Variants in FAM149A observed in about 807,000 individuals in gnomAD.
FAM149A encodes family with sequence similarity 149 member A, also known as protein FAM149A.
A neutral mutation model predicts 78.2 loss-of-function variants in FAM149A; 71 were observed. The observed-to-expected ratio is 0.91, with a 90% confidence interval of 0.75 to 1.11. The LOEUF is 1.11. FAM149A is among the 50% of genes least tolerant of loss of function. FAM149A has a pLI of 0.00. For missense variants in FAM149A, 1,036 were observed against 971.0 expected, an observed-to-expected ratio of 1.07 and a Z score of -0.89; for synonymous variants, 446 against 410.5, an observed-to-expected ratio of 1.09 and a Z score of -1.04.
chr4:186,160,506 C>G (rs1734497665), intron 8 of FAM149A, among the ~76,000 whole-genome samples: 1 of 145,966 alleles, frequency 6.9e-6, no homozygotes, highest in African/African-American at 2.5e-5. Context: ...AAACACATAC[C>G]AAATACACAC....
intron 1 of FAM149A, among the ~76,000 whole-genome samples, chr4:186,148,565 T>G (rs1378588819): frequency 6.6e-6 from 1 of 152,208 alleles, no homozygotes; most frequent in Non-Finnish European, 1.5e-5. Flanking sequence ...CTACACCAGT[T>G]AGGCTTAATA....
chr4:186,122,053 C>A (rs2099316304), intron 1 of FAM149A, among the ~76,000 whole-genome samples: 1 of 152,172 alleles, frequency 6.6e-6, no homozygotes, highest in Admixed American at 6.5e-5. Context: ...GTCTTCCTTT[C>A]ACTAGTTTCT....
At position 186,136,314 on chromosome 4, in the gene FAM149A, TA is replaced by T. The variant is rs753854626; in HGVS notation, c.567-12858del. 5.3e-5 allele frequency among the ~76,000 whole-genome samples: 8 copies of T among 152,326 alleles called. No homozygotes were observed. In the South Asian group the frequency reaches 1.2e-3, roughly 24 times the overall value. Reference sequence around the variant, plus strand: ...TATTCTTTTTTCACTTTATACTAAGTATAGTAAACAAATGTGTAAAAGTAAA... The same window carrying T: ...TATTCTTTTTTCACTTTATACTAAGTTAGTAAACAAATGTGTAAAAGTAAA... On this transcript the variant is annotated intron_variant, in intron 1 of 13. Coordinates refer to ENST00000389354, the MANE Select transcript of FAM149A (RefSeq NM_001367768.3).
chr4:186,110,724 T>G (rs1362340645), intron 1 of FAM149A, among the ~76,000 whole-genome samples: 1 of 140,966 alleles, frequency 7.1e-6, no homozygotes, highest in Admixed American at 7.2e-5. Flanking sequence ...GGACATGAAC[T>G]CATCATTTTT....
chr4:186,170,350 C>T (rs960092344), intron 13 of FAM149A, among the ~76,000 whole-genome samples: 1 of 152,226 alleles, frequency 6.6e-6, no homozygotes, highest in African/African-American at 2.4e-5. Flanking sequence ...CACTTAAGGA[C>T]TCCTGAAATA....
chr4:186,163,717 C>A, intron 10 of FAM149A, 84 bp downstream of exon 10: 1 of 960,672 alleles, frequency 1.0e-6, no homozygotes, highest in Non-Finnish European at 1.6e-6. Flanking sequence ...TCATCCTGGA[C>A]AAAGCATCCC....
At chr4:186,160,518 TAC>T (rs745605110) in intron 8 of FAM149A, among the ~76,000 whole-genome samples, 1 of 116,120 alleles carries the variant, frequency 8.6e-6, no homozygotes, top group Non-Finnish European at 1.8e-5. Context: ...AATACACACA[TAC>T]ACACACACTA....
intron 8 of FAM149A, 51 bp downstream of exon 8, chr4:186,157,770 C>T: frequency 6.4e-7 from 1 of 1,573,578 alleles, no homozygotes; most frequent in Non-Finnish European, 8.6e-7. Context: ...GTGTGTCTGT[C>T]ACCTCAGTTT....
At chr4:186,126,521 G>A (rs1350120888) in intron 1 of FAM149A, among the ~76,000 whole-genome samples, 1 of 152,182 alleles carries the variant, frequency 6.6e-6, no homozygotes, top group Non-Finnish European at 1.5e-5. Flanking sequence ...AAAGGCAGAG[G>A]AAGGGCGAAT....
chr4:186,159,592 G>A (rs192657804), intron 8 of FAM149A, among the ~76,000 whole-genome samples: 95 of 150,842 alleles, frequency 6.3e-4, no homozygotes, highest in Middle Eastern at 3.4e-3. Flanking sequence ...AGTGTCCTTA[G>A]CTTATAATGA....
At chr4:186,170,186 G>A (rs1735405982) in intron 13 of FAM149A, among the ~76,000 whole-genome samples, 1 of 152,240 alleles carries the variant, frequency 6.6e-6, no homozygotes, top group Non-Finnish European at 1.5e-5. Flanking sequence ...AGGGCTGTAG[G>A]TGCCGGCCTG....
intron 1 of FAM149A, chr4:186,109,102 C>T (rs1290524483): frequency 1.2e-6 from 1 of 804,852 alleles, no homozygotes; most frequent in Non-Finnish European, 1.5e-6. Flanking sequence ...CCGCCTCGGC[C>T]TCCCGAAGTG....
chr4:186,127,547 A>G (rs1019470105), intron 1 of FAM149A: 3 of 985,454 alleles, frequency 3.0e-6, no homozygotes, highest in Non-Finnish European at 3.6e-6. Flanking sequence ...TACAGCATCC[A>G]TCAGAGGATG....
At chr4:186,122,639 C>A (rs780722910) in intron 1 of FAM149A, 1 of 154,148 alleles carries the variant, frequency 6.5e-6, no homozygotes, top group Non-Finnish European at 1.4e-5. Flanking sequence ...TGGTATAAAT[C>A]TTTCAACTCT....
rs77447975 is a variant in FAM149A at position 186,132,305 on chromosome 4, A to G, written c.567-16868A>G. The G allele has an allele frequency of 3.9e-5, 31 of 803,774 alleles. No individual in the cohort carries two copies. In the African/African-American group the frequency reaches 5.4e-4, roughly 14 times the overall value. 49.8% of individuals were successfully genotyped at this position (803,774 alleles called of 1,614,324 possible). A position where few individuals can be genotyped will look rare whatever the true frequency, so the allele number is the denominator to read the frequency against. On this transcript the variant is annotated intron_variant, in intron 1 of 13. Transcript: ENST00000389354. ...AATCAATGAAATTGATTTAAAAGCT[A>G]CAGTAAATAAGACTGTGTTATTGAT... is the stretch of plus-strand genomic sequence containing the variant.
At chr4:186,127,334 C>T (rs905974901) in intron 1 of FAM149A, 72 of 984,988 alleles carry the variant, frequency 7.3e-5, no homozygotes, top group Non-Finnish European at 8.3e-5. Flanking sequence ...AGGTTTACTT[C>T]ACAGTAAACA....
intron 1 of FAM149A, chr4:186,117,372 A>C (rs1226077241): frequency 1.3e-5 from 12 of 939,900 alleles, no homozygotes; most frequent in Admixed American, 6.2e-5. Context: ...CTGGAAATGG[A>C]TCTTATGAAA....
intron 1 of FAM149A, among the ~76,000 whole-genome samples, chr4:186,136,964 T>TTCTCTTTCTCTCTCTCTCTCTC (rs2099323216): frequency 2.1e-5 from 2 of 97,042 alleles, no homozygotes; most frequent in Admixed American, 1.1e-4. Context: ...CTCTCTCTCT[T>TTCTCTTTCTCTCTCTCTCTCTC]TCTCTCTCTC....
chr4:186,172,171 C>A lies in FAM149A; in HGVS notation c.*184C>A. The A allele has an allele frequency of 1.1e-6, 1 of 883,530 alleles. No individual in the cohort carries two copies. Among genetic ancestry groups the A allele is most frequent in the Non-Finnish European group, 1.6e-6 (1 of 635,846 alleles). The allele number at this position is 883,530 out of a possible 1,614,324, so 54.7% of individuals were successfully genotyped here. On this transcript the variant is annotated 3_prime_UTR_variant, in exon 14 of 14. Transcript: ENST00000389354. ...TTTGCACTGTAAAGAGAGTGAAAGTCAAACCCACCAAGCTGCCTTGCTGAA... is the reference window on the plus strand; with the variant it reads ...TTTGCACTGTAAAGAGAGTGAAAGTAAAACCCACCAAGCTGCCTTGCTGAA...
Sources: gnomAD v4.1 joint callset for allele counts (sites outside exome capture counted in the v4.1 genomes callset) on GRCh38, gnomAD v4.1.1 for gene constraint, MANE v1.5 for transcripts, NCBI Gene and HGNC (gene_info 2026-07-23, HGNC 2026-07-21) for gene names.